The following PCSK5 variants were observed in gnomAD, a reference collection of about 807,000 sequenced individuals.
The protein encoded by PCSK5 is prohormone convertase 5.
Under a neutral mutation model 233.2 loss-of-function variants are expected in PCSK5, and 129 were observed. That is an observed-to-expected ratio of 0.55 (90% confidence interval 0.48 to 0.64). The LOEUF is 0.64. PCSK5 is among the 30% of genes least tolerant of loss of function. PCSK5 has a pLI of 0.00. For synonymous variants in PCSK5, 825 were observed against 879.2 expected (o/e 0.94, Z 1.09); for missense variants, 2,076 against 2,430.1 (o/e 0.85, Z 3.06).
intron 8 of PCSK5, among the ~76,000 whole-genome samples, chr9:76,098,381 T>C (rs1831621118): frequency 6.6e-6 from 1 of 152,208 alleles, no homozygotes; most frequent in South Asian, 2.1e-4. Flanking sequence ...CTTCCTTAAC[T>C]GGGAAGTGAT....
intron 2 of PCSK5, among the ~76,000 whole-genome samples, chr9:75,955,675 TGAG>T (rs1825064572): frequency 2.6e-5 from 4 of 151,956 alleles, no homozygotes; most frequent in Non-Finnish European, 2.9e-5. Flanking sequence ...ATTGTCCCCT[TGAG>T]GAGAAAAATT....
At chr9:76,358,455 A>T in intron 37 of PCSK5, 58 bp from the exon 38 acceptor site, 1 of 1,341,486 alleles carries the variant, frequency 7.5e-7, no homozygotes, top group Non-Finnish European at 1.0e-6. Flanking sequence ...AATTTTCTCT[A>T]TTCTATTTCT....
chr9:75,956,783 T>C (rs904500308), intron 2 of PCSK5, among the ~76,000 whole-genome samples: 9 of 152,174 alleles, frequency 5.9e-5, no homozygotes, highest in Admixed American at 1.3e-4. Context: ...CGCCTCTCGT[T>C]GAAGTCTTCT....
At chr9:76,330,746 C>T (rs1829508648) in intron 33 of PCSK5, among the ~76,000 whole-genome samples, 1 of 152,154 alleles carries the variant, frequency 6.6e-6, no homozygotes, top group African/African-American at 2.4e-5. Flanking sequence ...CATTCCTGAT[C>T]ACTTCACAAT....
At chr9:76,122,409 T>G (rs1027632651) in intron 9 of PCSK5, among the ~76,000 whole-genome samples, 1 of 152,212 alleles carries the variant, frequency 6.6e-6, no homozygotes, top group Non-Finnish European at 1.5e-5. Flanking sequence ...GACTGTTATT[T>G]TCTAATGATA....
intron 7 of PCSK5, among the ~76,000 whole-genome samples, chr9:76,087,195 GTCAA>G (rs1265994569): frequency 6.6e-6 from 1 of 152,222 alleles, no homozygotes; most frequent in Non-Finnish European, 1.5e-5. Context: ...AATCCTCAGT[GTCAA>G]TCAACCCTTA....
At chr9:76,315,347 G>GA (rs1828992850) in intron 30 of PCSK5, among the ~76,000 whole-genome samples, 2 of 152,178 alleles carry the variant, frequency 1.3e-5, no homozygotes, top group Admixed American at 1.3e-4. Context: ...CTCTGTTGAA[G>GA]AAAAACAGCC....
chr9:76,281,864 G>A (rs1053281402), intron 24 of PCSK5, among the ~76,000 whole-genome samples: 21 of 151,964 alleles, frequency 1.4e-4, no homozygotes, highest in African/African-American at 5.1e-4. Flanking sequence ...GCCCAGGCTG[G>A]TCTTGAACTC....
intron 1 of PCSK5, among the ~76,000 whole-genome samples, chr9:75,921,512 C>T (rs1823258645): frequency 6.6e-6 from 1 of 152,024 alleles, no homozygotes; most frequent in Non-Finnish European, 1.5e-5. Context: ...AGTGAAGACC[C>T]CATTTTCAGA....
intron 25 of PCSK5, among the ~76,000 whole-genome samples, chr9:76,294,193 T>TAAA (rs1828365271): frequency 1.1e-5 from 1 of 93,492 alleles, no homozygotes; most frequent in African/African-American, 4.6e-5. Context: ...AGATTTAGTC[T>TAAA]CAAAAAAAAA....
intron 10 of PCSK5, among the ~76,000 whole-genome samples, chr9:76,142,190 T>C (rs1215932421): frequency 6.6e-6 from 1 of 151,740 alleles, no homozygotes; most frequent in Non-Finnish European, 1.5e-5. Context: ...TCATTCTCTT[T>C]TATTGCTATC....
intron 3 of PCSK5, among the ~76,000 whole-genome samples, chr9:76,000,399 G>A (rs963962203): frequency 3.9e-5 from 6 of 152,292 alleles, no homozygotes; most frequent in Admixed American, 3.9e-4. Flanking sequence ...GGTACAAAAT[G>A]TCTGCTTGTC....
intron 5 of PCSK5, among the ~76,000 whole-genome samples, chr9:76,065,369 T>A (rs139764154): frequency 1.3e-5 from 2 of 152,232 alleles, no homozygotes; most frequent in African/African-American, 4.8e-5. Context: ...TTAACCAGGG[T>A]AAGATATCTC....
At chr9:76,118,198 C>T (rs1832503360) in intron 9 of PCSK5, among the ~76,000 whole-genome samples, 1 of 151,998 alleles carries the variant, frequency 6.6e-6, no homozygotes. Context: ...GAAGGTTGCC[C>T]AGAAACCATC....
chr9:76,275,567 G>A (rs1827664926), intron 24 of PCSK5, among the ~76,000 whole-genome samples: 1 of 152,092 alleles, frequency 6.6e-6, no homozygotes, highest in South Asian at 2.1e-4. Context: ...TAGGATTACA[G>A]GCATGCACCA....
At chr9:76,022,861 GATGA>G (rs1476018585) in intron 3 of PCSK5, among the ~76,000 whole-genome samples, 1 of 152,146 alleles carries the variant, frequency 6.6e-6, no homozygotes, top group Non-Finnish European at 1.5e-5. Context: ...AATAGTGCTT[GATGA>G]ATTTGTCTAC....
rs909209432 is a variant in PCSK5, at chr9:76,085,158, A to G, written c.895-10732A>G. 2.0e-5 allele frequency among the ~76,000 whole-genome samples: 3 copies of G among 152,278 alleles called. No homozygotes were observed. In the South Asian group the frequency reaches 6.2e-4, roughly 32 times the overall value. Reference sequence around the variant, plus strand: ...GGGTCAGGTGGGCCCATCTGTTCACACTCAGCTCCTAGTCAACCGTAGCTG... The same window carrying G: ...GGGTCAGGTGGGCCCATCTGTTCACGCTCAGCTCCTAGTCAACCGTAGCTG... On this transcript the variant is annotated intron_variant, in intron 7 of 37. Transcript: ENST00000674117.
At chr9:76,251,210 T>G (rs964454362) in intron 24 of PCSK5, among the ~76,000 whole-genome samples, 1 of 152,108 alleles carries the variant, frequency 6.6e-6, no homozygotes, top group Non-Finnish European at 1.5e-5. Flanking sequence ...AAAGCGGCAG[T>G]GAGCTATGAT....
chr9:76,298,287 C>A (rs1259634222), intron 27 of PCSK5, among the ~76,000 whole-genome samples: 1 of 152,068 alleles, frequency 6.6e-6, no homozygotes, highest in African/African-American at 2.4e-5. Context: ...ACCACACCCA[C>A]CCCTCCACAT....
Sources: allele counts gnomAD v4.1 joint callset (sites outside exome capture counted in the v4.1 genomes callset), GRCh38; gene constraint gnomAD v4.1.1; transcripts MANE v1.5; gene names NCBI Gene and HGNC (gene_info 2026-07-23, HGNC 2026-07-21).